Variants in SIDT1 observed in about 807,000 individuals in gnomAD.
SIDT1 encodes the protein SID1 transmembrane family, member 1.
A neutral mutation model predicts 107.5 loss-of-function variants in SIDT1; 101 were observed. The observed-to-expected ratio is 0.94, with a 90% CI of 0.80 to 1.11. SIDT1 has a LOEUF of 1.11. Ranked by LOEUF, SIDT1 falls within the 50% of genes least tolerant of loss-of-function variation. The pLI is 0.00. For missense variants in SIDT1, 1,076 were observed against 1,058.2 expected, an observed-to-expected ratio of 1.02 and a Z score of -0.23; for synonymous variants, 395 against 398.2, an observed-to-expected ratio of 0.99 and a Z score of 0.10.
chr3:113,630,743 T>C (rs1267150725), downstream of SIDT1, among the ~76,000 whole-genome samples: 3 of 152,148 alleles, frequency 2.0e-5, no homozygotes, highest in Non-Finnish European at 4.4e-5. Context: ...CACACCTCCA[T>C]GATTCTACGT....
intron 4 of SIDT1, among the ~76,000 whole-genome samples, chr3:113,577,355 G>T (rs1942983498): frequency 6.6e-6 from 1 of 152,142 alleles, no homozygotes; most frequent in South Asian, 2.1e-4. Context: ...TGGTAGTGGG[G>T]ATAGGTAGTA....
At chr3:113,583,821 C>T (rs1007862032) in intron 7 of SIDT1, among the ~76,000 whole-genome samples, 1 of 152,192 alleles carries the variant, frequency 6.6e-6, no homozygotes, top group Admixed American at 6.5e-5. Context: ...TCTTACACAG[C>T]GATCAAAGTC....
At chr3:113,568,302 A>T (rs1560048033) in intron 3 of SIDT1, among the ~76,000 whole-genome samples, 1 of 152,150 alleles carries the variant, frequency 6.6e-6, no homozygotes. Flanking sequence ...AGCTATAAGA[A>T]ATGTAAATTA....
At chr3:113,601,436 A>C in intron 10 of SIDT1, 152 bp from the exon 11 acceptor site, 1 of 515,372 alleles carries the variant, frequency 1.9e-6, no homozygotes, top group Non-Finnish European at 3.5e-6. Flanking sequence ...TAGATTTGGC[A>C]GATGGGTCAT....
chr3:113,585,888 C>T (rs1239911197), intron 9 of SIDT1, among the ~76,000 whole-genome samples: 1 of 152,160 alleles, frequency 6.6e-6, no homozygotes, highest in Non-Finnish European at 1.5e-5. Flanking sequence ...GGCTTTCCTT[C>T]CCTCTCTCAG....
At chr3:113,537,784 T>A (rs1186028853) in intron 1 of SIDT1, among the ~76,000 whole-genome samples, 1 of 152,152 alleles carries the variant, frequency 6.6e-6, no homozygotes, top group Non-Finnish European at 1.5e-5. Context: ...CGTGTCCTCT[T>A]CTTCTTTTTT....
chr3:113,550,688 T>C (rs1358213578), intron 1 of SIDT1, among the ~76,000 whole-genome samples: 1 of 152,228 alleles, frequency 6.6e-6, no homozygotes, highest in East Asian at 1.9e-4. Context: ...GTAGCTATAT[T>C]TTAAGAATTC....
chr3:113,624,039 C>T (rs1281369429), intron 23 of SIDT1, among the ~76,000 whole-genome samples: 3 of 152,216 alleles, frequency 2.0e-5, no homozygotes, highest in Non-Finnish European at 1.5e-5. Context: ...TTCATCTTCT[C>T]ATCTTTCTCA....
At chr3:113,632,220 T>G (rs954572964), downstream of SIDT1, among the ~76,000 whole-genome samples, 2 of 152,240 alleles carry the variant, frequency 1.3e-5, no homozygotes, top group Non-Finnish European at 2.9e-5. Context: ...AAGAGAAAAC[T>G]GATATACAAT....
At chr3:113,548,922 T>C (rs1166227923) in intron 1 of SIDT1, among the ~76,000 whole-genome samples, 1 of 152,182 alleles carries the variant, frequency 6.6e-6, no homozygotes, top group Non-Finnish European at 1.5e-5. Context: ...TATGGTTTTC[T>C]CCTGTTGATC....
intron 19 of SIDT1, among the ~76,000 whole-genome samples, chr3:113,614,737 C>G (rs1945985931): frequency 6.6e-6 from 1 of 152,138 alleles, no homozygotes; most frequent in African/African-American, 2.4e-5. Flanking sequence ...ACTGTGTCCC[C>G]CAGTCCCAGA....
intron 1 of SIDT1, among the ~76,000 whole-genome samples, chr3:113,549,910 T>G (rs555248368): frequency 2.0e-5 from 3 of 152,342 alleles, no homozygotes; most frequent in Non-Finnish European, 4.4e-5. Context: ...TGAGTTAATT[T>G]TTATGAAAGG....
At chr3:113,617,763 T>C (rs1946205710) in intron 20 of SIDT1, among the ~76,000 whole-genome samples, 1 of 152,214 alleles carries the variant, frequency 6.6e-6, no homozygotes, top group African/African-American at 2.4e-5. Flanking sequence ...TAATAGACTT[T>C]ATATTTTTTT....
At chr3:113,550,654 A>T (rs1283728637) in intron 1 of SIDT1, among the ~76,000 whole-genome samples, 1 of 152,182 alleles carries the variant, frequency 6.6e-6, no homozygotes, top group Non-Finnish European at 1.5e-5. Flanking sequence ...AACATGTAAA[A>T]ATCCTTTGAA....
intron 21 of SIDT1, among the ~76,000 whole-genome samples, chr3:113,622,038 A>C (rs1292010650): frequency 6.6e-6 from 1 of 152,252 alleles, no homozygotes; most frequent in African/African-American, 2.4e-5. Flanking sequence ...TAAAATAATA[A>C]TAAAATAGTG....
intron 5 of SIDT1, 50 bp downstream of exon 5, chr3:113,580,759 C>G (rs989800166): frequency 1.7e-6 from 2 of 1,172,176 alleles, no homozygotes; most frequent in Non-Finnish European, 2.6e-6. Flanking sequence ...TTATATTATT[C>G]CAGAACAAAT....
chr3:113,536,893 A>G (rs879894170), intron 1 of SIDT1, among the ~76,000 whole-genome samples: 10 of 152,364 alleles, frequency 6.6e-5, no homozygotes, highest in Admixed American at 6.5e-4. Context: ...GAGGAGGGCT[A>G]TACTGTGCAA....
At chr3:113,575,414 G>A (rs998423937) in intron 3 of SIDT1, among the ~76,000 whole-genome samples, 13 of 152,156 alleles carry the variant, frequency 8.5e-5, no homozygotes, top group African/African-American at 3.1e-4. Context: ...CTGCTGAAAG[G>A]GCTCTACCCA....
In SIDT1 at chr3:113,603,150, G is replaced by A; in HGVS notation, c.1263G>A (p.Lys421=). ...GTGATAAAAACATCATCCGGACCAA[G>A]GTACCCACTCTGCCTCGCCGTACTC... is the stretch of plus-strand genomic sequence containing the variant. ...IESDKNIIRT[K]MFLYLSDLSR... Residue 421 remains lysine (K), a splice_region_variant and synonymous_variant, in exon 12 of 25, where the codon AAG becomes AAA. Transcript: ENST00000264852. The A allele has an allele frequency of 6.2e-7, 1 of 1,613,202 alleles. No individual in the cohort carries two copies. Among genetic ancestry groups the A allele is most frequent in the Admixed American group, 1.7e-5 (1 of 59,908 alleles).
Sources: allele counts gnomAD v4.1 joint callset (sites outside exome capture counted in the v4.1 genomes callset), GRCh38; gene constraint gnomAD v4.1.1; transcripts MANE v1.5; gene names NCBI Gene and HGNC (gene_info 2026-07-23, HGNC 2026-07-21).